The following FAM13A variants were observed in gnomAD, a reference collection of about 807,000 sequenced individuals.
The protein encoded by FAM13A is protein FAM13A.
In FAM13A, 76 loss-of-function variants were observed where a neutral mutation model predicts 129.6. The observed-to-expected ratio is 0.59, with a 90% confidence interval of 0.49 to 0.71. FAM13A has a LOEUF of 0.71. Among genes scored for constraint, FAM13A ranks in the 30% least tolerant of loss-of-function variants. FAM13A has a pLI of 0.00. For missense variants in FAM13A, 1,108 were observed against 1,249.3 expected, an observed-to-expected ratio of 0.89 and a Z score of 1.70; for synonymous variants, 443 against 449.9, an observed-to-expected ratio of 0.98 and a Z score of 0.20.
At chr4:89,024,205 C>T (rs1450063066) in intron 2 of FAM13A, among the ~76,000 whole-genome samples, 3 of 152,120 alleles carry the variant, frequency 2.0e-5, no homozygotes, top group African/African-American at 7.2e-5. Context: ...AATTGCCTAA[C>T]AGCACACTTT....
intron 1 of FAM13A, among the ~76,000 whole-genome samples, chr4:89,048,094 T>C (rs921094808): frequency 2.0e-5 from 3 of 152,098 alleles, no homozygotes; most frequent in Non-Finnish European, 4.4e-5. Context: ...AAATGTTAAA[T>C]GCAAAATTAC....
At chr4:88,862,406 G>A (rs56403871) in intron 6 of FAM13A, among the ~76,000 whole-genome samples, 3,009 of 152,284 alleles carry the variant, frequency 0.02, 58 homozygotes, top group Middle Eastern at 0.061. Flanking sequence ...AGGAAATAAA[G>A]AGATGGTGGC....
At chr4:88,977,506 C>A (rs191117145) in intron 4 of FAM13A, among the ~76,000 whole-genome samples, 1 of 152,186 alleles carries the variant, frequency 6.6e-6, no homozygotes, top group African/African-American at 2.4e-5. Context: ...AATTTACTGA[C>A]TGGAGATTAC....
At chr4:88,939,161 AC>A (rs912869801) in intron 4 of FAM13A, among the ~76,000 whole-genome samples, 2 of 152,204 alleles carry the variant, frequency 1.3e-5, no homozygotes, top group African/African-American at 4.8e-5. Context: ...GGCCAAAAGA[AC>A]AAAATCAGTA....
At chr4:89,031,835 ATAACTT>A (rs1768717184) in intron 1 of FAM13A, among the ~76,000 whole-genome samples, 1 of 152,202 alleles carries the variant, frequency 6.6e-6, no homozygotes, top group African/African-American at 2.4e-5. Flanking sequence ...TGAAGATAAA[ATAACTT>A]TATATGTACT....
chr4:89,010,951 G>A (rs186918611), intron 3 of FAM13A, among the ~76,000 whole-genome samples: 7 of 152,126 alleles, frequency 4.6e-5, no homozygotes, highest in East Asian at 1.9e-4. Flanking sequence ...TGGCTCAAGC[G>A]ATTTTCCTGC....
At chr4:88,812,204 G>C (rs971123752) in intron 7 of FAM13A, among the ~76,000 whole-genome samples, 1 of 151,996 alleles carries the variant, frequency 6.6e-6, no homozygotes, top group African/African-American at 2.4e-5. Flanking sequence ...TGTTTTAGTG[G>C]CACAAAATGG....
At chr4:88,742,862 T>C (rs1306313093) in intron 19 of FAM13A, among the ~76,000 whole-genome samples, 6 of 152,176 alleles carry the variant, frequency 3.9e-5, no homozygotes, top group Non-Finnish European at 7.4e-5. Flanking sequence ...TCCTGAATGG[T>C]AAATTGCAGA....
intron 5 of FAM13A, among the ~76,000 whole-genome samples, chr4:88,925,651 A>G (rs1752004910): frequency 6.6e-6 from 1 of 151,956 alleles, no homozygotes; most frequent in South Asian, 2.1e-4. Flanking sequence ...TATGTAACTA[A>G]CCTGCACATT....
At chr4:88,924,159 C>T (rs1162999863) in intron 5 of FAM13A, among the ~76,000 whole-genome samples, 8 of 152,176 alleles carry the variant, frequency 5.3e-5, no homozygotes, top group Non-Finnish European at 1.2e-4. Flanking sequence ...ATGCCATCCC[C>T]ATCAAGCTAC....
intron 4 of FAM13A, among the ~76,000 whole-genome samples, chr4:88,978,513 G>A (rs1921687): frequency 6.6e-6 from 1 of 152,202 alleles, no homozygotes; most frequent in Non-Finnish European, 1.5e-5. Context: ...GCACAATTAA[G>A]GCTGGGTGCA....
At chr4:88,732,295 C>T (rs1221447564) in intron 21 of FAM13A, 97 bp from the exon 22 acceptor site, 2 of 836,930 alleles carry the variant, frequency 2.4e-6, no homozygotes, top group East Asian at 5.1e-5. Flanking sequence ...TATCAGACTC[C>T]ATATAGTTTC....
intron 11 of FAM13A, among the ~76,000 whole-genome samples, chr4:88,777,882 T>A (rs1722089148): frequency 1.3e-5 from 2 of 152,216 alleles, no homozygotes; most frequent in African/African-American, 2.4e-5. Context: ...ACTCGCAGTC[T>A]TTTACTTGAC....
chr4:88,761,930 G>C (rs72663475), intron 13 of FAM13A, among the ~76,000 whole-genome samples: 80 of 152,150 alleles, frequency 5.3e-4, no homozygotes, highest in Non-Finnish European at 1.0e-3. Flanking sequence ...TTACAGAGAA[G>C]ACAGTTAATC....
chr4:88,908,326 C>A (rs1218331648), intron 5 of FAM13A, among the ~76,000 whole-genome samples: 1 of 152,182 alleles, frequency 6.6e-6, no homozygotes, highest in Non-Finnish European at 1.5e-5. Context: ...TTTGACTATG[C>A]TTGGATAACA....
At chr4:88,883,635 C>T (rs1430143419) in intron 6 of FAM13A, among the ~76,000 whole-genome samples, 2 of 151,734 alleles carry the variant, frequency 1.3e-5, no homozygotes, top group Admixed American at 1.3e-4. Flanking sequence ...AAACTCAAAC[C>T]CAGCAGAAGA....
chr4:88,894,848 T>C (rs983044186), intron 6 of FAM13A, among the ~76,000 whole-genome samples: 3 of 152,118 alleles, frequency 2.0e-5, no homozygotes, highest in African/African-American at 7.2e-5. Context: ...TAGTGTTAAT[T>C]TGAGAGAGGA....
chr4:89,039,213 G>A (rs1769791582), intron 1 of FAM13A, among the ~76,000 whole-genome samples: 1 of 152,150 alleles, frequency 6.6e-6, no homozygotes. Flanking sequence ...CACAGTATCA[G>A]CCTGGACTTT....
chr4:88,943,179 C>A (rs1755073836), intron 4 of FAM13A, among the ~76,000 whole-genome samples: 2 of 152,116 alleles, frequency 1.3e-5, no homozygotes, highest in African/African-American at 4.8e-5. Context: ...TTATTTTTGA[C>A]AAACTTCCCA....
Sources: gnomAD v4.1 joint callset for allele counts (sites outside exome capture counted in the v4.1 genomes callset) on GRCh38, gnomAD v4.1.1 for gene constraint, MANE v1.5 for transcripts, NCBI Gene and HGNC (gene_info 2026-07-23, HGNC 2026-07-21) for gene names.